The following RNF8 variants were observed in gnomAD, a reference collection of about 807,000 sequenced individuals.
RNF8 encodes ring finger protein 8.
In RNF8, 8 loss-of-function variants were observed where a neutral mutation model predicts 59.3. That is an observed-to-expected ratio of 0.13 (90% CI 0.08 to 0.24). The LOEUF (loss-of-function observed/expected upper bound fraction) is 0.24, where lower values mean the gene tolerates loss of function less well. RNF8 is among the 10% of genes least tolerant of loss of function. The probability of loss-of-function intolerance (pLI) is 1.00; values close to 1 mark genes in which losing one functional copy is unlikely to be tolerated. For synonymous variants in RNF8, 162 were observed against 200.0 expected (o/e 0.81, Z 1.60); for missense variants, 406 against 572.6 (o/e 0.71, Z 2.97).
At chr6:37,375,410 T>C (rs1769973721) in intron 5 of RNF8, among the ~76,000 whole-genome samples, 2 of 152,240 alleles carry the variant, frequency 1.3e-5, no homozygotes, top group African/African-American at 4.8e-5. Context: ...CAGCTTTTTG[T>C]GTGTGTTTTA....
chr6:37,371,707 G>A, intron 4 of RNF8, 133 bp downstream of exon 4: 1 of 634,140 alleles, frequency 1.6e-6, no homozygotes, highest in Non-Finnish European at 2.8e-6. Context: ...CAGAGCAGGT[G>A]GCAGCTGCTC....
At chr6:37,387,477 G>T (rs1188447320) in intron 7 of RNF8, among the ~76,000 whole-genome samples, 1 of 152,084 alleles carries the variant, frequency 6.6e-6, no homozygotes, top group Admixed American at 6.6e-5. Context: ...AGTAGCTGGG[G>T]CTACAGGCGT....
At chr6:37,355,976 CAG>C (rs1769101380) in intron 1 of RNF8, among the ~76,000 whole-genome samples, 1 of 152,200 alleles carries the variant, frequency 6.6e-6, no homozygotes, top group South Asian at 2.1e-4. Context: ...TAAGATAACT[CAG>C]TGGGCAAGTG....
rs777323836 is a variant in RNF8 at position 37,368,609 on chromosome 6, T to C, written c.366T>C (p.Tyr122=). Residue 122 remains tyrosine (Y), a synonymous_variant, in exon 3 of 8, where the codon TAT becomes TAC. Transcript: ENST00000373479. ...LENKENAEYE[Y]EVTEEDWETI... The stretch of plus-strand genomic sequence containing the variant: ...ATAAGGAGAATGCGGAGTATGAATA[T>C]GAAGTTACTGAAGAAGACTGGGAGA... 5.6e-6 allele frequency: 9 copies of C among 1,613,984 alleles called. No homozygotes were observed. In the African/African-American group the frequency reaches 1.2e-4, roughly 22 times the overall value.
At chr6:37,374,776 A>G in intron 5 of RNF8, 67 bp downstream of exon 5, 1 of 1,117,688 alleles carries the variant, frequency 8.9e-7, no homozygotes, top group Non-Finnish European at 1.3e-6. Context: ...TCAACAGTGC[A>G]AGGGTTGCTA....
At chr6:37,364,325 G>T (rs1256375247) in intron 2 of RNF8, among the ~76,000 whole-genome samples, 3 of 151,126 alleles carry the variant, frequency 2.0e-5, no homozygotes, top group African/African-American at 7.4e-5. Context: ...TGCCAAGGTG[G>T]CTACTGACTA....
In RNF8 at chr6:37,368,996, G is replaced by T; in HGVS notation, c.753G>T (p.Val251=). The change falls in exon 3 of 8, where the codon GTG becomes GTT. Residue 251 remains valine, a synonymous_variant. Transcript: ENST00000373479. The part of the protein sequence containing the change: ...ASQRSLQMFK[V]TMSRILRLKI... Reference sequence around the variant, plus strand: ...AGAGAAGCTTACAGATGTTTAAGGTGACCATGTCCAGGATTCTGAGGCTCA... The same window carrying T: ...AGAGAAGCTTACAGATGTTTAAGGTTACCATGTCCAGGATTCTGAGGCTCA... 2 of 1,614,160 alleles carry T rather than the reference G, an allele frequency of 1.2e-6. No individual in the cohort carries two copies. The highest frequency in any genetic ancestry group is 1.1e-5 in the South Asian group (1 of 91,030).
chr6:37,382,984 A>C (rs1236844674), intron 7 of RNF8, among the ~76,000 whole-genome samples: 1 of 152,088 alleles, frequency 6.6e-6, no homozygotes, highest in South Asian at 2.1e-4. Flanking sequence ...AAAAAAAAAA[A>C]AAAAGGAAAG....
At chr6:37,369,393 G>A (rs1339398866) in intron 3 of RNF8, among the ~76,000 whole-genome samples, 175 bp downstream of exon 3, 1 of 152,184 alleles carries the variant, frequency 6.6e-6, no homozygotes, top group Non-Finnish European at 1.5e-5. Flanking sequence ...TGAGTAGAGG[G>A]TTAAGGCTTC....
intron 2 of RNF8, 141 bp from the exon 3 acceptor site, chr6:37,368,343 C>T (rs377472544): frequency 2.4e-5 from 38 of 1,591,882 alleles, no homozygotes; most frequent in African/African-American, 1.6e-4. Context: ...TAAGGATGGT[C>T]GTTTATGAAT....
intron 2 of RNF8, chr6:37,361,515 G>A (rs1388853487): frequency 5.6e-6 from 2 of 359,744 alleles, no homozygotes; most frequent in Admixed American, 3.8e-5. Context: ...CTAAAGTGCA[G>A]ATATACAAGC....
chr6:37,388,431 G>T (rs923420350), intron 7 of RNF8, among the ~76,000 whole-genome samples: 2 of 150,682 alleles, frequency 1.3e-5, no homozygotes, highest in Non-Finnish European at 3.0e-5. Context: ...TGGATCTGGA[G>T]CCTGAAGGAC....
intron 2 of RNF8, among the ~76,000 whole-genome samples, chr6:37,364,031 T>C (rs555696038): frequency 1.3e-5 from 2 of 151,900 alleles, no homozygotes; most frequent in East Asian, 3.9e-4. Flanking sequence ...TATAAAAAAT[T>C]AGCCAGGCGT....
chr6:37,386,713 G>A (rs1770518850), intron 7 of RNF8, among the ~76,000 whole-genome samples: 1 of 152,168 alleles, frequency 6.6e-6, no homozygotes, highest in Non-Finnish European at 1.5e-5. Context: ...ATCGCTGCTG[G>A]AGGCTGCAGC....
chr6:37,382,847 G>A (rs766795174), intron 7 of RNF8, among the ~76,000 whole-genome samples: 9 of 152,006 alleles, frequency 5.9e-5, no homozygotes, highest in Non-Finnish European at 5.9e-5. Context: ...GCGTGGTGGC[G>A]CACACCAGTA....
rs190150704 is a variant in RNF8, at chr6:37,375,535, C to G, written c.1128+826C>G. On this transcript the variant is annotated intron_variant, in intron 5 of 7. Coordinates refer to ENST00000373479, the MANE Select transcript of RNF8 (RefSeq NM_003958.4). ...TCTGACTGCATCTGTCATCCCACCC[C>G]CTCCATGTACCAACCTAGAACTGAA... is the stretch of plus-strand genomic sequence containing the variant. 2.2e-4 allele frequency among the ~76,000 whole-genome samples: 33 copies of G among 152,288 alleles called. 1 individual carries two copies. The highest frequency in any genetic ancestry group is 2.0e-3 in the Admixed American group (31 of 15,304).
At chr6:37,374,533 C>T (rs1460962582) in intron 4 of RNF8, 87 bp from the exon 5 acceptor site, 11 of 943,928 alleles carry the variant, frequency 1.2e-5, no homozygotes, top group Non-Finnish European at 1.5e-5. Context: ...AAGTCACTAA[C>T]TAGAGGGAGA....
At chr6:37,367,788 A>G (rs1343052977) in intron 2 of RNF8, among the ~76,000 whole-genome samples, 1 of 152,226 alleles carries the variant, frequency 6.6e-6, no homozygotes, top group Non-Finnish European at 1.5e-5. Context: ...CCTCACTGGA[A>G]CAGTGTGAGG....
chr6:37,392,289 T>G lies in RNF8; in HGVS notation c.*1531T>G. 2.5e-6 allele frequency: 1 copy of G among 396,768 alleles called. No individual in the cohort carries two copies. Among genetic ancestry groups the G allele is most frequent in the African/African-American group, 2.1e-5 (1 of 48,736 alleles). 24.6% of individuals were successfully genotyped at this position (396,768 alleles called of 1,614,324 possible). ...GTTTTGTTTATAGATTGCATGGGTA[T>G]ATGTCAATTTTTATATGTTCTGTGT... On this transcript the variant is annotated 3_prime_UTR_variant, in exon 8 of 8. Transcript: ENST00000373479.
Sources: allele counts gnomAD v4.1 joint callset (sites outside exome capture counted in the v4.1 genomes callset), GRCh38; gene constraint gnomAD v4.1.1; transcripts MANE v1.5; gene names NCBI Gene and HGNC (gene_info 2026-07-23, HGNC 2026-07-21).